The following ANK2 variants were observed in gnomAD, a reference collection of about 807,000 sequenced individuals.
ANK2 encodes the protein ankyrin-2.
In ANK2, 83 loss-of-function variants were observed where a neutral mutation model predicts 360.5. The observed-to-expected ratio is 0.23, with a 90% CI of 0.19 to 0.28. ANK2 has a LOEUF of 0.28. ANK2 is among the 10% of genes least tolerant of loss of function. The probability of loss-of-function intolerance (pLI) is 1.00; values close to 1 mark genes in which losing one functional copy is unlikely to be tolerated. For missense variants in ANK2, 4,201 were observed against 4,795.7 expected (o/e 0.88, Z 3.66); for synonymous variants, 1,740 against 1,759.5 (o/e 0.99, Z 0.28).
chr4:112,777,705 C>T, the ANK2 span, among the ~76,000 whole-genome samples: 2 of 150,844 alleles, frequency 1.3e-5, no homozygotes, highest in African/African-American at 2.4e-5. Context: ...GCAACCTCCA[C>T]CTCCCAGGTT....
At chr4:113,305,180 A>G in intron 23 of ANK2, among the ~76,000 whole-genome samples, 1 of 150,766 alleles carries the variant, frequency 6.6e-6, no homozygotes, top group East Asian at 1.9e-4. Context: ...CTCTACTAAA[A>G]ATACAAAAAA....
At chr4:112,750,350 G>A in the ANK2 span, among the ~76,000 whole-genome samples, 30 of 151,992 alleles carry the variant, frequency 2.0e-4, no homozygotes, top group African/African-American at 5.1e-4. Flanking sequence ...GACAGAGTGA[G>A]AGCCTGTCTC....
rs529085984 is a variant in ANK2, at chr4:113,178,083, G to T, written c.186+3566G>T. Reference sequence around the variant, plus strand: ...TCTCTTCAATTCCCTGACTCGCCAGGTATAAAGTAAATGCAAGGCCAGGTG... The same window carrying T: ...TCTCTTCAATTCCCTGACTCGCCAGTTATAAAGTAAATGCAAGGCCAGGTG... On this transcript the variant is annotated intron_variant, in intron 2 of 45. Transcript: ENST00000357077. 1.5e-3 allele frequency among the ~76,000 whole-genome samples: 222 copies of T among 152,152 alleles called. 1 individual carries two copies. The highest frequency in any genetic ancestry group is 4.8e-3 in the African/African-American group (201 of 41,506).
chr4:112,889,434 C>T (rs1296577256), intron 1 of ANK2, among the ~76,000 whole-genome samples: 5 of 152,116 alleles, frequency 3.3e-5, no homozygotes, highest in African/African-American at 1.2e-4. Context: ...TGACTACAAG[C>T]TAGCTCATTA....
At chr4:112,889,400 C>T (rs1445947193) in intron 1 of ANK2, among the ~76,000 whole-genome samples, 2 of 152,130 alleles carry the variant, frequency 1.3e-5, no homozygotes, top group Non-Finnish European at 1.5e-5. Context: ...GATGTATGCT[C>T]TACATGGCCT....
chr4:113,092,167 G>A (rs989331240), intron 1 of ANK2, among the ~76,000 whole-genome samples: 17 of 152,170 alleles, frequency 1.1e-4, no homozygotes, highest in Non-Finnish European at 2.4e-4. Context: ...ATGTGGTAAT[G>A]TACAAAGATG....
chr4:112,807,822 C>G, the ANK2 span, among the ~76,000 whole-genome samples: 1 of 152,184 alleles, frequency 6.6e-6, no homozygotes, highest in Admixed American at 6.5e-5. Context: ...GCCCTTTGCT[C>G]TTTGTCAGAC....
Position 113,317,725 on chromosome 4 carries a change from C to G in ANK2, c.2712C>G (p.Ser904=), listed in dbSNP as rs149310669. 1.2e-6 allele frequency: 2 copies of G among 1,614,022 alleles called. No individual in the cohort carries two copies. The highest frequency in any genetic ancestry group is 1.7e-6 in the Non-Finnish European group (2 of 1,179,956). ...CTACCAGCCTTCGATCCTTCAGTTC[C>G]GACAGGTCTCACACTCTGAGCCATG... The part of the protein sequence containing the change: ...GRSDSLRSFS[S]DRSHTLSHAS... The change falls in exon 25 of 46, where the codon TCC becomes TCG. Residue 904 remains serine (S), a synonymous_variant. Coordinates refer to ENST00000357077, the MANE Select transcript of ANK2 (RefSeq NM_001148.6).
chr4:112,851,560 G>C (rs999265055), intron 1 of ANK2, among the ~76,000 whole-genome samples: 8 of 152,018 alleles, frequency 5.3e-5, no homozygotes, highest in African/African-American at 1.7e-4. Flanking sequence ...AGAACTTTGT[G>C]TCAGTTTTGA....
At chr4:113,119,721 A>T (rs1285319188) in intron 1 of ANK2, among the ~76,000 whole-genome samples, 1 of 152,168 alleles carries the variant, frequency 6.6e-6, no homozygotes, top group East Asian at 1.9e-4. Context: ...AAAAATTCAG[A>T]TGAGATCCAC....
intron 1 of ANK2, among the ~76,000 whole-genome samples, chr4:113,119,987 C>T (rs1463028538): frequency 1.3e-5 from 2 of 151,782 alleles, no homozygotes; most frequent in Non-Finnish European, 2.9e-5. Context: ...TGACTATAAC[C>T]CCTCTACCAA....
chr4:113,116,577 C>T (rs1222041130), intron 1 of ANK2, among the ~76,000 whole-genome samples: 1 of 152,180 alleles, frequency 6.6e-6, no homozygotes, highest in Admixed American at 6.5e-5. Flanking sequence ...AAAACAGCAA[C>T]GTCGATTCTT....
At chr4:112,982,263 A>C (rs541976736) in intron 2 of ANK2, among the ~76,000 whole-genome samples, 45 of 152,286 alleles carry the variant, frequency 3.0e-4, no homozygotes, top group Non-Finnish European at 6.0e-4. Flanking sequence ...GGCTCTAGTT[A>C]GAGGTGAATA....
intron 1 of ANK2, among the ~76,000 whole-genome samples, chr4:112,836,360 A>AGTATCTTT (rs1181778231): frequency 2.0e-5 from 3 of 152,310 alleles, no homozygotes; most frequent in Admixed American, 1.3e-4. Flanking sequence ...AGTCTCAGGT[A>AGTATCTTT]GTATCTTTAT....
chr4:112,937,328 C>CTT (rs10712090), intron 2 of ANK2, among the ~76,000 whole-genome samples: 7 of 138,414 alleles, frequency 5.1e-5, no homozygotes, highest in South Asian at 2.3e-4. Context: ...CAATTATTGT[C>CTT]TTTTTTTTTT....
In ANK2 at chr4:113,274,586, G is replaced by A. The variant is rs536567990; in HGVS notation, c.1620G>A (p.Glu540=). 4 of 1,614,198 alleles carry A rather than the reference G, an allele frequency of 2.5e-6. No homozygotes were observed. In the South Asian group the frequency reaches 3.3e-5, roughly 13 times the overall value. ...CACCACTGCACATCTCTGCCCGGGA[G>A]GGCCAGGTGGATGTGGCATCAGTCC... ...GYTPLHISAR[E]GQVDVASVLL... is the part of the protein sequence containing the mutation. Residue 540 remains glutamate, a synonymous_variant, in exon 15 of 46, where the codon GAG becomes GAA. Transcript: ENST00000357077.
chr4:113,292,581 T>C (rs1371796931), intron 21 of ANK2, 67 bp downstream of exon 21: 7 of 1,449,786 alleles, frequency 4.8e-6, no homozygotes, highest in Middle Eastern at 3.6e-4. Context: ...GGTGGCTTCT[T>C]GTCTGAGCTG....
At chr4:113,043,021 C>T (rs2063346128) in intron 2 of ANK2, among the ~76,000 whole-genome samples, 1 of 152,044 alleles carries the variant, frequency 6.6e-6, no homozygotes, top group Non-Finnish European at 1.5e-5. Context: ...CTAGTTCATG[C>T]CAAAGCCCCA....
At chr4:113,143,369 C>G (rs894611575) in intron 1 of ANK2, among the ~76,000 whole-genome samples, 1 of 59,056 alleles carries the variant, frequency 1.7e-5, no homozygotes, top group Non-Finnish European at 3.5e-5. Context: ...TAAAGCACAG[C>G]AAAATTATTC....
Sources: gnomAD v4.1 joint callset for allele counts (sites outside exome capture counted in the v4.1 genomes callset) on GRCh38, gnomAD v4.1.1 for gene constraint, MANE v1.5 for transcripts, NCBI Gene and HGNC (gene_info 2026-07-23, HGNC 2026-07-21) for gene names.